Variants in ABHD15 observed in about 807,000 individuals in gnomAD.
ABHD15 encodes protein ABHD15.
A neutral mutation model predicts 34.4 loss-of-function variants in ABHD15; 34 were observed. That is an observed-to-expected ratio of 0.99 (90% confidence interval 0.75 to 1.32). ABHD15 has a LOEUF of 1.32. Ranked by LOEUF, ABHD15 falls within the 40% of genes most tolerant of loss-of-function variation. ABHD15 has a pLI of 0.00. For synonymous variants in ABHD15, 314 were observed against 299.2 expected, an observed-to-expected ratio of 1.05 and a Z score of -0.51; for missense variants, 644 against 650.4, an observed-to-expected ratio of 0.99 and a Z score of 0.11.
At position 29,566,462 on chromosome 17, in the gene ABHD15, G is replaced by A. The variant is rs1317455153; in HGVS notation, c.505C>T (p.Arg169Cys). ...VLLVIPNAWG[R>C]LTRNVLGLCL... ...AGGCCGAGCACGTTGCGGGTGAGGC[G>A]ACCCCACGCATTGGGGATCACCAGA... The change falls in exon 1 of 2, where the codon CGC (arginine) becomes TGC (cysteine). Residue 169 changes from arginine (R) to cysteine (C), a missense_variant. Transcript: ENST00000307201. 16 of 1,612,232 alleles carry A rather than the reference G, an allele frequency of 9.9e-6. No individual in the cohort carries two copies. Among genetic ancestry groups the A allele is most frequent in the Non-Finnish European group, 1.2e-5 (14 of 1,179,810 alleles).
chr17:29,561,940 T>C lies in ABHD15; in HGVS notation c.*621A>G, dbSNP rs564909300. 6.6e-6 allele frequency: 1 copy of C among 152,600 alleles called. No individual in the cohort carries two copies. The highest frequency in any genetic ancestry group is 1.9e-4 in the East Asian group (1 of 5,200). The allele number at this position is 152,600 out of a possible 1,614,324, so 9.5% of individuals were successfully genotyped here. On this transcript the variant is annotated 3_prime_UTR_variant, in exon 2 of 2. Coordinates refer to ENST00000307201, the MANE Select transcript of ABHD15 (RefSeq NM_198147.3). ...AGACTTGCAGAGCTCCTCTGAGAGA[T>C]TGGAACTTCGCATTCCTTGAGATGG...
rs1482675301 is a variant in ABHD15, at chr17:29,562,960, C to T, written c.1008G>A (p.Trp336Ter). ...CATCCCGGAGCGGGTCGTTGCGGTC[C>T]CAGTAGGTATCCCAGCTGATGGGGA... ...KSFPISWDTY[W>*]DRNDPLRDVD... Residue 336 changes from tryptophan to a stop codon, truncating the protein, a stop_gained, in exon 2 of 2, where the codon TGG becomes TGA. Transcript: ENST00000307201. LOFTEE classifies it high-confidence loss of function. The T allele has an allele frequency of 6.2e-7, 1 of 1,613,974 alleles. No individual in the cohort carries two copies. The highest frequency in any genetic ancestry group is 1.7e-5 in the Admixed American group (1 of 60,000).
intron 1 of ABHD15, among the ~76,000 whole-genome samples, chr17:29,564,523 T>C (rs1024784531): frequency 1.3e-5 from 2 of 152,170 alleles, no homozygotes; most frequent in African/African-American, 4.8e-5. Context: ...CTCCGTCTTT[T>C]GAATAGCTCA....
rs911742675 is a variant in ABHD15, at chr17:29,562,992, TG to T, written c.975del (p.Ser327AlafsTer44). On this transcript the variant is annotated frameshift_variant, in exon 2 of 2. Transcript: ENST00000307201. LOFTEE classifies it high-confidence loss of function. The part of the protein sequence containing the change: ...REFEEALFCH[T>X]KSFPISWDTY... The stretch of plus-strand genomic sequence containing the variant: ...GTATCCCAGCTGATGGGGAAGCTTT[TG>T]GTGTGGCAGAAGAGAGCCTCCTCAA... 1 of 1,613,682 alleles carries T rather than the reference TG, an allele frequency of 6.2e-7. No homozygotes were observed. The highest frequency in any genetic ancestry group is 1.3e-5 in the African/African-American group (1 of 75,010).
rs747262799 is a variant in ABHD15, at chr17:29,562,644, C to A, written c.1324G>T (p.Gly442Trp). ...ACTTCCCGCCTCTGCAAGGCTCCCCCACGACGACGGCCCCCAAGGAAGGAA... is the reference window on the plus strand; with the variant it reads ...ACTTCCCGCCTCTGCAAGGCTCCCCAACGACGACGGCCCCCAAGGAAGGAA... Reference protein sequence around the residue: ...RASFLGGRRRGGALQRREVSS... With the variant: ...RASFLGGRRRWGALQRREVSS... The change falls in exon 2 of 2, where the codon GGG becomes TGG. Residue 442 changes from glycine to tryptophan, a missense_variant. Transcript: ENST00000307201. 27 of 1,613,980 alleles carry A rather than the reference C, an allele frequency of 1.7e-5. No homozygotes were observed. The highest frequency in any genetic ancestry group is 4.0e-5 in the African/African-American group (3 of 74,910).
rs186921663 is a variant in ABHD15 at position 29,562,247 on chromosome 17, C to T, written c.*314G>A. 61 of 246,858 alleles carry T rather than the reference C, an allele frequency of 2.5e-4. No individual in the cohort carries two copies. The East Asian group carries it at 4.1e-3, about 17-fold the overall frequency. 15.3% of individuals were successfully genotyped at this position (246,858 alleles called of 1,614,324 possible). A position where few individuals can be genotyped will look rare whatever the true frequency, so the allele number is the denominator to read the frequency against. On this transcript the variant is annotated 3_prime_UTR_variant, in exon 2 of 2. Coordinates refer to ENST00000307201, the MANE Select transcript of ABHD15 (RefSeq NM_198147.3). Reference sequence around the variant, plus strand: ...AGTAAGAGGGCATTTTCTCCTGAGTCCATGGATTGAAAAAGTGCTATCCTT... The same window carrying T: ...AGTAAGAGGGCATTTTCTCCTGAGTTCATGGATTGAAAAAGTGCTATCCTT...
Position 29,562,808 on chromosome 17 carries a change from C to A in ABHD15, c.1160G>T (p.Arg387Leu), listed in dbSNP as rs368140784. Residue 387 changes from arginine (R) to leucine (L), a missense_variant, in exon 2 of 2, where the codon CGC becomes CTC. Arg to Leu is a moderately radical substitution (Grantham distance 102). Transcript: ENST00000307201. ...CAGGAAGCCACAGTGGCCTCCGTGGCGACTGAGCAGGAGGAAGAAGTAGGG... is the reference window on the plus strand; with the variant it reads ...CAGGAAGCCACAGTGGCCTCCGTGGAGACTGAGCAGGAGGAAGAAGTAGGG... The part of the protein sequence containing the change: ...SNPYFFLLLS[R>L]HGGHCGFLRQ... The A allele has an allele frequency of 6.2e-7, 1 of 1,613,118 alleles. No homozygotes were observed. The highest frequency in any genetic ancestry group is 8.5e-7 in the Non-Finnish European group (1 of 1,179,326).
In ABHD15 at chr17:29,563,830, A is replaced by C. The variant is rs150698222; in HGVS notation, c.882-744T>G. Among the ~76,000 whole-genome samples, 785 of 152,318 alleles carry C rather than the reference A, an allele frequency of 5.2e-3. 6 individuals are homozygous for C. Among genetic ancestry groups the C allele is most frequent in the African/African-American group, 0.018 (745 of 41,580 alleles). ...AGCCGAGATCGTGCCACTGCGTTCC[A>C]GCCTGCTGACAGAGCGAGACTCCAT... On this transcript the variant is annotated intron_variant, in intron 1 of 1. Transcript: ENST00000307201.
At chr17:29,565,983 A>G in intron 1 of ABHD15, 103 bp downstream of exon 1, 1 of 1,448,410 alleles carries the variant, frequency 6.9e-7, no homozygotes, top group South Asian at 1.4e-5. Context: ...CTTTGCCCAA[A>G]CTGGCCCACG....
chr17:29,566,797 T>C lies in ABHD15; in HGVS notation c.170A>G (p.Asp57Gly). ...GEEADGGGPA[D>G]QFSDGREPLP... The stretch of plus-strand genomic sequence containing the variant: ...TGGCTCGCGCCCGTCGCTGAACTGG[T>C]CCGCCGGGCCTCCGCCGTCCGCCTC... The change falls in exon 1 of 2, where the codon GAC becomes GGC. Residue 57 changes from aspartate (D) to glycine (G), a missense_variant. Asp to Gly is a moderately conservative substitution (Grantham distance 94). Transcript: ENST00000307201. 2.6e-6 allele frequency: 4 copies of C among 1,512,320 alleles called. No homozygotes were observed. The highest frequency in any genetic ancestry group is 3.5e-6 in the Non-Finnish European group (4 of 1,138,186). 93.7% of individuals were successfully genotyped at this position (1,512,320 alleles called of 1,614,324 possible). A position where few individuals can be genotyped will look rare whatever the true frequency, so the allele number is the denominator to read the frequency against.
In ABHD15 at chr17:29,562,871, GGGGGTCCACACAC is replaced by G. The variant is rs1158926824; in HGVS notation, c.1084_1096del (p.Val362GlnfsTer5). On this transcript the variant is annotated frameshift_variant, in exon 2 of 2. Coordinates refer to ENST00000307201, the MANE Select transcript of ABHD15 (RefSeq NM_198147.3). LOFTEE classifies it high-confidence loss of function. ...GAGTTCAGTTGTCAGAGTGTGGTCTGGGGGTCCACACACGGGGTCGTCAGCACTGCAGATACAC... is the reference window on the plus strand; with the variant it reads ...GAGTTCAGTTGTCAGAGTGTGGTCTGGGGGTCGTCAGCACTGCAGATACAC... 6.2e-7 allele frequency: 1 copy of G among 1,614,016 alleles called. No individual in the cohort carries two copies. The highest frequency in any genetic ancestry group is 8.5e-7 in the Non-Finnish European group (1 of 1,180,036).
Position 29,561,418 on chromosome 17 carries a change from T to A in ABHD15, c.*1143A>T, listed in dbSNP as rs1342949077. On this transcript the variant is annotated 3_prime_UTR_variant, in exon 2 of 2. Transcript: ENST00000307201. ...CAGCATTATTCTTCATAAAACCAAA[T>A]ACCCACTTATTTGCTGAGTGGCCAG... 6.6e-6 allele frequency: 1 copy of A among 152,228 alleles called. No homozygotes were observed. The highest frequency in any genetic ancestry group is 1.5e-5 in the Non-Finnish European group (1 of 68,036). The allele number at this position is 152,228 out of a possible 1,614,324, so 9.4% of individuals were successfully genotyped here. A position where few individuals can be genotyped will look rare whatever the true frequency, so the allele number is the denominator to read the frequency against.
In ABHD15 at chr17:29,562,501, C is replaced by T. The variant is rs558735304; in HGVS notation, c.*60G>A. On this transcript the variant is annotated 3_prime_UTR_variant, in exon 2 of 2. Coordinates refer to ENST00000307201, the MANE Select transcript of ABHD15 (RefSeq NM_198147.3). ...TTCAGTCCGCCCCATCTTTCCAGGA[C>T]TCCCCCTTGCCCAGCTCTGTTTTTC... 22 of 1,521,906 alleles carry T rather than the reference C, an allele frequency of 1.4e-5. No individual in the cohort carries two copies. Among genetic ancestry groups the T allele is most frequent in the Non-Finnish European group, 1.8e-5 (20 of 1,132,670 alleles). The allele number at this position is 1,521,906 out of a possible 1,614,324, so 94.3% of individuals were successfully genotyped here.
Position 29,566,671 on chromosome 17 carries a change from G to C in ABHD15, c.296C>G (p.Ser99Cys). Reference protein sequence around the residue: ...RSEALEAGPRSWFSGPHLQTL... With the variant: ...RSEALEAGPRCWFSGPHLQTL... ...CTGCAGGTGGGGCCCGGAGAACCAG[G>C]AGCGCGGGCCGGCCTCCAGCGCCTC... The change falls in exon 1 of 2, where the codon TCC becomes TGC. Residue 99 changes from serine (S) to cysteine (C), a missense_variant. Transcript: ENST00000307201. The C allele has an allele frequency of 6.3e-7, 1 of 1,598,674 alleles. No individual in the cohort carries two copies. The highest frequency in any genetic ancestry group is 8.5e-7 in the Non-Finnish European group (1 of 1,177,390).
chr17:29,562,108 A>G lies in ABHD15; in HGVS notation c.*453T>C, dbSNP rs1012702977. The G allele has an allele frequency of 1.3e-5, 2 of 154,492 alleles. No homozygotes were observed. The highest frequency in any genetic ancestry group is 4.8e-5 in the African/African-American group (2 of 41,462). 9.6% of individuals were successfully genotyped at this position (154,492 alleles called of 1,614,324 possible). A position where few individuals can be genotyped will look rare whatever the true frequency, so the allele number is the denominator to read the frequency against. ...GCCACAACCACAGAGCAAATGAGGG[A>G]AGTGGGGCCGAGACACAAACATCCT... On this transcript the variant is annotated 3_prime_UTR_variant, in exon 2 of 2. Transcript: ENST00000307201.
intron 1 of ABHD15, among the ~76,000 whole-genome samples, chr17:29,564,936 C>T (rs1036762165): frequency 5.9e-5 from 9 of 152,054 alleles, no homozygotes; most frequent in South Asian, 2.1e-4. Context: ...CCAGCCTGGG[C>T]GACAGAGTAA....
chr17:29,563,315 C>T (rs1240624204), intron 1 of ABHD15, among the ~76,000 whole-genome samples: 1 of 150,502 alleles, frequency 6.6e-6, no homozygotes, highest in African/African-American at 2.4e-5. Context: ...GGGAGGCCAA[C>T]GAGGTGGGTG....
chr17:29,563,007 G>A lies in ABHD15; in HGVS notation c.961C>T (p.Leu321Phe). The part of the protein sequence containing the change: ...SRSLREFEEA[L>F]FCHTKSFPIS... ...GGGAAGCTTTTGGTGTGGCAGAAGA[G>A]AGCCTCCTCAAACTCTCGAAGGGAA... The change falls in exon 2 of 2, where the codon CTC becomes TTC. Residue 321 changes from leucine (L) to phenylalanine (F), a missense_variant. Coordinates refer to ENST00000307201, the MANE Select transcript of ABHD15 (RefSeq NM_198147.3). 3 of 1,613,502 alleles carry A rather than the reference G, an allele frequency of 1.9e-6. No homozygotes were observed. Among genetic ancestry groups the A allele is most frequent in the Non-Finnish European group, 2.5e-6 (3 of 1,180,032 alleles).
intron 1 of ABHD15, 151 bp from the exon 2 acceptor site, chr17:29,563,237 T>C: frequency 1.2e-6 from 1 of 864,978 alleles, no homozygotes; most frequent in Non-Finnish European, 1.7e-6. Flanking sequence ...AACGTTTAAT[T>C]TCATGGCCAT....
Sources: allele counts gnomAD v4.1 joint callset (sites outside exome capture counted in the v4.1 genomes callset), GRCh38; gene constraint gnomAD v4.1.1; transcripts MANE v1.5; gene names NCBI Gene and HGNC (gene_info 2026-07-23, HGNC 2026-07-21).